Variants in FSTL4 observed in about 807,000 individuals in gnomAD.
FSTL4 encodes follistatin-related protein 4.
A neutral mutation model predicts 78.2 loss-of-function variants in FSTL4; 28 were observed. The ratio of observed to expected loss-of-function variants is 0.36; its 90% CI spans 0.27 to 0.49. FSTL4 has a LOEUF of 0.49. Ranked by LOEUF, FSTL4 falls within the 20% of genes least tolerant of loss-of-function variation. FSTL4 has a pLI of 0.98. For synonymous variants in FSTL4, 422 were observed against 440.5 expected, an observed-to-expected ratio of 0.96 and a Z score of 0.53; for missense variants, 922 against 1,084.9, an observed-to-expected ratio of 0.85 and a Z score of 2.11.
chr5:133,438,278 T>C (rs943562230), intron 3 of FSTL4, among the ~76,000 whole-genome samples: 3 of 152,238 alleles, frequency 2.0e-5, no homozygotes, highest in Admixed American at 2.0e-4. Flanking sequence ...CAAATACTGC[T>C]CCATTATCTT....
the FSTL4 span, among the ~76,000 whole-genome samples, chr5:133,677,782 T>C: frequency 1.3e-5 from 2 of 152,200 alleles, no homozygotes; most frequent in Non-Finnish European, 2.9e-5. Flanking sequence ...AAGGATTAAA[T>C]AAGATGCTGT....
intron 6 of FSTL4, among the ~76,000 whole-genome samples, chr5:133,286,753 G>A (rs1232035741): frequency 6.6e-6 from 1 of 152,162 alleles, no homozygotes; most frequent in Non-Finnish European, 1.5e-5. Context: ...CTAACAAGCA[G>A]ATCAGCCTTC....
At chr5:133,252,462 G>A (rs1752281308) in intron 6 of FSTL4, among the ~76,000 whole-genome samples, 1 of 152,164 alleles carries the variant, frequency 6.6e-6, no homozygotes, top group African/African-American at 2.4e-5. Flanking sequence ...ATGCTCTGGT[G>A]GGCTGGATGG....
chr5:133,494,734 A>C (rs1038211698), intron 3 of FSTL4, among the ~76,000 whole-genome samples: 3 of 152,208 alleles, frequency 2.0e-5, no homozygotes, highest in Non-Finnish European at 4.4e-5. Context: ...TTATGTGCAC[A>C]TTTATTTCAA....
chr5:133,685,813 C>T, the FSTL4 span, among the ~76,000 whole-genome samples: 29 of 152,374 alleles, frequency 1.9e-4, no homozygotes, highest in East Asian at 5.2e-3. Context: ...GTCCCAATGC[C>T]TCCACTGGCA....
intron 6 of FSTL4, chr5:133,270,099 A>G (rs893163180): frequency 4.6e-5 from 7 of 152,228 alleles, no homozygotes; most frequent in Admixed American, 3.9e-4. Context: ...GGGGCTGCAT[A>G]AGAAGAGCAC....
At chr5:133,301,989 G>A (rs1355081819) in intron 6 of FSTL4, among the ~76,000 whole-genome samples, 5 of 152,032 alleles carry the variant, frequency 3.3e-5, no homozygotes, top group Admixed American at 6.5e-5. Flanking sequence ...TGGATTCACC[G>A]GGAAGTCTGA....
In FSTL4 at chr5:133,463,710, G is replaced by A. The variant is rs529210653; in HGVS notation, c.161-62724C>T. Among the ~76,000 whole-genome samples the A allele has an allele frequency of 5.0e-4, 76 of 152,280 alleles. 1 individual carries two copies. The highest frequency in any genetic ancestry group is 2.0e-3 in the Admixed American group (31 of 15,290). ...TATGAAGATTAAAGTACAATATCCT[G>A]TGTCAAGGAGTTTGACTTTAATATA... is the stretch of plus-strand genomic sequence containing the variant. On this transcript the variant is annotated intron_variant, in intron 3 of 15. Transcript: ENST00000265342.
At chr5:133,371,806 A>G (rs956136571) in intron 4 of FSTL4, among the ~76,000 whole-genome samples, 1 of 152,216 alleles carries the variant, frequency 6.6e-6, no homozygotes, top group African/African-American at 2.4e-5. Flanking sequence ...ACTGTCTGTT[A>G]GAGCTGGAAG....
intron 3 of FSTL4, among the ~76,000 whole-genome samples, chr5:133,521,302 G>A (rs1322621719): frequency 1.3e-5 from 2 of 152,196 alleles, no homozygotes; most frequent in Non-Finnish European, 2.9e-5. Flanking sequence ...AGTCGGGCAG[G>A]CTGTCACTTG....
At chr5:133,304,145 AG>A (rs1203207029) in intron 6 of FSTL4, among the ~76,000 whole-genome samples, 12 of 152,250 alleles carry the variant, frequency 7.9e-5, no homozygotes, top group Non-Finnish European at 1.8e-4. Flanking sequence ...TGCACATTGA[AG>A]TCCTCACAAA....
the FSTL4 span, among the ~76,000 whole-genome samples, chr5:133,792,305 C>T: frequency 6.6e-6 from 1 of 152,178 alleles, no homozygotes; most frequent in African/African-American, 2.4e-5. Context: ...AACAATGATA[C>T]ATTTGCTATG....
the FSTL4 span, among the ~76,000 whole-genome samples, chr5:133,754,361 A>G: frequency 6.6e-6 from 1 of 152,220 alleles, no homozygotes; most frequent in Non-Finnish European, 1.5e-5. Flanking sequence ...TAAAAGATAT[A>G]TATATATAAA....
chr5:133,671,855 C>T, the FSTL4 span, among the ~76,000 whole-genome samples: 13 of 152,224 alleles, frequency 8.5e-5, no homozygotes, highest in Non-Finnish European at 1.8e-4. Flanking sequence ...CCAGTATAAG[C>T]ATGCCAGGGC....
chr5:133,449,018 CAT>C (rs1320163601), intron 3 of FSTL4, among the ~76,000 whole-genome samples: 4 of 150,994 alleles, frequency 2.6e-5, no homozygotes, highest in Admixed American at 6.6e-5. Context: ...CCTTCAGGCG[CAT>C]ATATATATAT....
intron 4 of FSTL4, among the ~76,000 whole-genome samples, chr5:133,337,214 G>A (rs569549754): frequency 4.7e-4 from 72 of 152,340 alleles, no homozygotes; most frequent in African/African-American, 1.7e-3. Flanking sequence ...GCACCAGGAT[G>A]ATGAGGCAAA....
At chr5:133,692,229 C>G in the FSTL4 span, among the ~76,000 whole-genome samples, 1 of 152,138 alleles carries the variant, frequency 6.6e-6, no homozygotes, top group African/African-American at 2.4e-5. Flanking sequence ...TGTGCAAAGA[C>G]TCTGAGGACA....
the FSTL4 span, among the ~76,000 whole-genome samples, chr5:133,706,529 T>C: frequency 1.3e-5 from 2 of 152,220 alleles, no homozygotes; most frequent in East Asian, 3.8e-4. Context: ...TTTAAGACTC[T>C]TAGAAGGCTT....
chr5:133,395,317 T>C (rs562556970), intron 4 of FSTL4, among the ~76,000 whole-genome samples: 1 of 152,074 alleles, frequency 6.6e-6, no homozygotes, highest in Non-Finnish European at 1.5e-5. Context: ...GCGGGAGGAA[T>C]GAACAACTCC....
Sources: allele counts gnomAD v4.1 joint callset (sites outside exome capture counted in the v4.1 genomes callset), GRCh38; gene constraint gnomAD v4.1.1; transcripts MANE v1.5; gene names NCBI Gene and HGNC (gene_info 2026-07-23, HGNC 2026-07-21).